MPND: variants seen among roughly 807,000 people sequenced by gnomAD.
MPND encodes MPN domain containing.
Under a neutral mutation model 59.2 loss-of-function variants are expected in MPND, and 56 were observed. The ratio of observed to expected loss-of-function variants is 0.95; its 90% confidence interval spans 0.76 to 1.18. The LOEUF (loss-of-function observed/expected upper bound fraction) is 1.18. Ranked by LOEUF, MPND falls within the 50% of genes most tolerant of loss-of-function variation. The pLI is 0.00. For missense variants in MPND, 671 were observed against 676.0 expected (o/e 0.99, Z 0.08); for synonymous variants, 323 against 291.9 (o/e 1.11, Z -1.09).
intron 3 of MPND, chr19:4,347,496 C>T (rs1179971665): frequency 6.4e-6 from 1 of 156,572 alleles, no homozygotes; most frequent in African/African-American, 2.4e-5. Context: ...ACCTCGGCCT[C>T]CCAAAGTGCT....
chr19:4,358,920 C>T (rs1397343314), intron 11 of MPND, among the ~76,000 whole-genome samples: 1 of 152,108 alleles, frequency 6.6e-6, no homozygotes, highest in Non-Finnish European at 1.5e-5. Context: ...TCGGTGAGTG[C>T]AGGTCCAGGT....
At chr19:4,352,488 CA>C (rs1272975656) in intron 3 of MPND, among the ~76,000 whole-genome samples, 1 of 152,084 alleles carries the variant, frequency 6.6e-6, no homozygotes. Context: ...AGTTTGAGAC[CA>C]GCCTGACCAA....
chr19:4,356,319 G>A (rs553473272), intron 8 of MPND, among the ~76,000 whole-genome samples: 243 of 152,268 alleles, frequency 1.6e-3, no homozygotes, highest in African/African-American at 5.5e-3. Flanking sequence ...TAGGGAGGCC[G>A]AGGCAGGAGG....
At position 4,343,589 on chromosome 19, in the gene MPND, C is replaced by A; in HGVS notation, c.-5C>A. On this transcript the variant is annotated 5_prime_UTR_variant, in exon 1 of 13. Transcript: ENST00000599840. ...CTAGAGCTCCGGGCGCGGGGAGGCG[C>A]GGCCATGGCAGGTACGGCGGGCCCA... 1.6e-6 allele frequency: 2 copies of A among 1,220,494 alleles called. No individual in the cohort carries two copies. The highest frequency in any genetic ancestry group is 1.6e-5 in the African/African-American group (1 of 63,908). The allele number at this position is 1,220,494 out of a possible 1,614,324, so 75.6% of individuals were successfully genotyped here.
chr19:4,355,206 G>GGGTTGGGA, intron 8 of MPND, 33 bp downstream of exon 8: 1 of 1,607,632 alleles, frequency 6.2e-7, no homozygotes, highest in African/African-American at 1.3e-5. Context: ...GCATTCTGGG[G>GGGTTGGGA]AGGGTTGGGA....
chr19:4,359,388 TGGTCACCCC>T lies in MPND; in HGVS notation c.1419+135_1419+143del. On this transcript the variant is annotated intron_variant, in intron 12 of 12. Coordinates refer to ENST00000599840, the MANE Select transcript of MPND (RefSeq NM_001300862.2). The stretch of plus-strand genomic sequence containing the variant: ...AGCCCAGCTGGCAGACTGGTGACCC[TGGTCACCCC>T]GTGGCCACCCCAGCAGGGTGCAGGC... 5 of 648,372 alleles carry T rather than the reference TGGTCACCCC, an allele frequency of 7.7e-6. No homozygotes were observed. The South Asian group carries it at 9.0e-5, about 12-fold the overall frequency. The allele number at this position is 648,372 out of a possible 1,614,324, so 40.2% of individuals were successfully genotyped here. A position where few individuals can be genotyped will look rare whatever the true frequency, so the allele number is the denominator to read the frequency against.
At chr19:4,354,547 A>G (rs1356047054) in intron 6 of MPND, 127 bp downstream of exon 6, 1 of 766,204 alleles carries the variant, frequency 1.3e-6, no homozygotes, top group South Asian at 1.7e-5. Flanking sequence ...CTACTGGTAC[A>G]CTGTGGGTGC....
rs899690474 is a variant in MPND, at chr19:4,355,131, C to T, written c.954C>T (p.Ser318=). Residue 318 remains serine (S), a synonymous_variant, in exon 8 of 13, where the codon AGC becomes AGT. Transcript: ENST00000599840. ...LTVLRAFPCR[S]RLGDAETAAA... ...TGCTCAGAGCCTTCCCTTGTCGGAGCCGGCTCGGGGACGCAGAGACTGCAG... is the reference window on the plus strand; with the variant it reads ...TGCTCAGAGCCTTCCCTTGTCGGAGTCGGCTCGGGGACGCAGAGACTGCAG... The T allele has an allele frequency of 1.2e-6, 2 of 1,613,726 alleles. No individual in the cohort carries two copies. Among genetic ancestry groups the T allele is most frequent in the East Asian group, 4.5e-5 (2 of 44,862 alleles).
intron 11 of MPND, among the ~76,000 whole-genome samples, chr19:4,358,671 T>C (rs374785675): frequency 3.0e-3 from 456 of 152,166 alleles, no homozygotes; most frequent in African/African-American, 9.8e-3. Context: ...CCTATAGTCC[T>C]AGCTACTTGG....
chr19:4,346,750 G>C (rs1972194871), intron 3 of MPND, among the ~76,000 whole-genome samples: 1 of 151,832 alleles, frequency 6.6e-6, no homozygotes, highest in Non-Finnish European at 1.5e-5. Context: ...GAGATGGTAG[G>C]CCAGGCACAG....
chr19:4,344,522 A>G (rs28725202), intron 2 of MPND, among the ~76,000 whole-genome samples: 2,630 of 152,180 alleles, frequency 0.017, 62 homozygotes, highest in African/African-American at 0.061. Flanking sequence ...TAGATTACCA[A>G]ACACCCCATC....
rs757915483 is a variant in MPND at position 4,359,132 on chromosome 19, G to T, written c.1327-31G>T. The stretch of plus-strand genomic sequence containing the variant: ...CTGAGGTACCTCAGGCTTGGAGGGA[G>T]CCTGGGAGTCCATGCTCCTCTGTCC... On this transcript the variant is annotated intron_variant, in intron 11 of 12. Coordinates refer to ENST00000599840, the MANE Select transcript of MPND (RefSeq NM_001300862.2). 2.9e-5 allele frequency: 45 copies of T among 1,537,680 alleles called. 1 individual carries two copies. In the South Asian group the frequency reaches 4.8e-4, roughly 16 times the overall value.
chr19:4,347,475 G>C (rs569065801), intron 3 of MPND: 14 of 154,528 alleles, frequency 9.1e-5, no homozygotes, highest in Non-Finnish European at 2.0e-4. Context: ...TCCTGACCTC[G>C]TGATCCACCC....
At chr19:4,352,835 A>AAG in intron 3 of MPND, 62 bp from the exon 4 acceptor site, 1 of 1,265,642 alleles carries the variant, frequency 7.9e-7, no homozygotes, top group East Asian at 3.1e-5. Flanking sequence ...GGGATTTAGC[A>AAG]GGGAGCGGGG....
Position 4,345,735 on chromosome 19 carries a change from G to T in MPND, c.295-10G>T. The stretch of plus-strand genomic sequence containing the variant: ...TGGTCCTGGGCCCAGCCAGCTGACT[G>T]TCACTGCAGGGGAAGAAGTTCCTGG... On this transcript the variant is annotated splice_polypyrimidine_tract_variant and intron_variant, in intron 2 of 12. Transcript: ENST00000599840. The T allele has an allele frequency of 6.2e-7, 1 of 1,613,532 alleles. No individual in the cohort carries two copies. Among genetic ancestry groups the T allele is most frequent in the Non-Finnish European group, 8.5e-7 (1 of 1,179,718 alleles).
chr19:4,351,783 A>G (rs1441568916), intron 3 of MPND, among the ~76,000 whole-genome samples: 1 of 143,976 alleles, frequency 6.9e-6, no homozygotes, highest in Non-Finnish European at 1.5e-5. Flanking sequence ...AATCACTTGA[A>G]CCCGGGAGGT....
chr19:4,345,408 C>T (rs1776306871), intron 2 of MPND, among the ~76,000 whole-genome samples: 1 of 152,122 alleles, frequency 6.6e-6, no homozygotes, highest in Non-Finnish European at 1.5e-5. Context: ...CACATTATTC[C>T]CCTTCTGAAT....
rs770679339 is a variant in MPND at position 4,357,551 on chromosome 19, A to G, written c.1202A>G (p.Lys401Arg). The change falls in exon 10 of 13, where the codon AAG (lysine) becomes AGG (arginine). Residue 401 changes from lysine to arginine, a missense_variant. Lys to Arg is a conservative substitution (Grantham distance 26). Transcript: ENST00000599840. ...YYSGNPGPES[K>R]ISPFWVMPPP... ...TCTGGCAACCCAGGCCCCGAGTCCA[A>G]GATCTCACCTTTCTGGGTGATGCCT... 22 of 1,613,646 alleles carry G rather than the reference A, an allele frequency of 1.4e-5. No individual in the cohort carries two copies. In the Middle Eastern group the frequency reaches 5.0e-4, roughly 36 times the overall value.
Position 4,357,589 on chromosome 19 carries a change from G to C in MPND, c.1236+4G>C, listed in dbSNP as rs754760225. The C allele has an allele frequency of 2.5e-6, 4 of 1,608,722 alleles. No individual in the cohort carries two copies. The South Asian group carries it at 4.4e-5, about 18-fold the overall frequency. On this transcript the variant is annotated splice_donor_region_variant and intron_variant, in intron 10 of 12. Transcript: ENST00000599840. ...CTGGGTGATGCCTCCTCCCGAGGTA[G>C]GTGGGGCTGTTGGGAGAGCCTGGGG...
Sources: gnomAD v4.1 joint callset for allele counts (sites outside exome capture counted in the v4.1 genomes callset) on GRCh38, gnomAD v4.1.1 for gene constraint, MANE v1.5 for transcripts, NCBI Gene and HGNC (gene_info 2026-07-23, HGNC 2026-07-21) for gene names.